The following CBLN2 variants were observed in gnomAD, a reference collection of about 807,000 sequenced individuals.
CBLN2 encodes the protein cerebellin-2.
In CBLN2, 7 loss-of-function variants were observed where a neutral mutation model predicts 15.0. The ratio of observed to expected loss-of-function variants is 0.47; its 90% confidence interval spans 0.27 to 0.88. CBLN2 has a LOEUF of 0.88. Among genes scored for constraint, CBLN2 ranks in the 40% least tolerant of loss-of-function variants. The pLI, the probability that CBLN2 is intolerant of heterozygous loss-of-function variation, is 0.14. For synonymous variants in CBLN2, 149 were observed against 135.2 expected (o/e 1.10, Z -0.71); for missense variants, 242 against 304.5 (o/e 0.79, Z 1.53).
intron 1 of CBLN2, among the ~76,000 whole-genome samples, chr18:72,582,630 G>C (rs542910961): frequency 1.5e-4 from 23 of 152,258 alleles, no homozygotes; most frequent in Middle Eastern, 3.4e-3. Flanking sequence ...GAGTAAAACA[G>C]GTGCTCACAC....
At chr18:72,585,441 T>C (rs776351242) in intron 1 of CBLN2, among the ~76,000 whole-genome samples, 2 of 152,092 alleles carry the variant, frequency 1.3e-5, no homozygotes, top group Non-Finnish European at 2.9e-5. Context: ...GGTCACACCA[T>C]TGTCTCTGCA....
chr18:72,564,324 T>G (rs1392595407), intron 1 of CBLN2, among the ~76,000 whole-genome samples: 1 of 152,062 alleles, frequency 6.6e-6, no homozygotes, highest in East Asian at 1.9e-4. Flanking sequence ...AACTTATTAT[T>G]TCAATGAAAA....
At chr18:72,586,143 C>A (rs374486236) in intron 1 of CBLN2, among the ~76,000 whole-genome samples, 1 of 152,180 alleles carries the variant, frequency 6.6e-6, no homozygotes, top group African/African-American at 2.4e-5. Flanking sequence ...CCTGGCTCCC[C>A]GCTTGCTCCC....
At chr18:72,598,625 C>T (rs571958648) in intron 1 of CBLN2, among the ~76,000 whole-genome samples, 1 of 152,338 alleles carries the variant, frequency 6.6e-6, no homozygotes, top group East Asian at 1.9e-4. Flanking sequence ...CACTAGGACT[C>T]ATCTAGGAGT....
chr18:72,538,826 G>A, intron 3 of CBLN2, 54 bp from the exon 4 acceptor site: 1 of 1,593,732 alleles, frequency 6.3e-7, no homozygotes, highest in Admixed American at 1.7e-5. Context: ...CTCGGTGTAT[G>A]TTTTCATCAT....
At chr18:72,589,894 A>G (rs898985002) in intron 1 of CBLN2, among the ~76,000 whole-genome samples, 2 of 152,202 alleles carry the variant, frequency 1.3e-5, no homozygotes, top group African/African-American at 4.8e-5. Flanking sequence ...GCACTTTGGG[A>G]GGCCGAGGTG....
chr18:72,553,051 G>A (rs2069201025), intron 1 of CBLN2, among the ~76,000 whole-genome samples: 1 of 152,166 alleles, frequency 6.6e-6, no homozygotes, highest in South Asian at 2.1e-4. Context: ...TCTCATATAT[G>A]TGCATATGTG....
intron 1 of CBLN2, among the ~76,000 whole-genome samples, chr18:72,631,929 G>T (rs557856763): frequency 2.4e-4 from 37 of 152,156 alleles, no homozygotes; most frequent in Non-Finnish European, 4.4e-4. Context: ...TCTGATCAAC[G>T]ATTTTGATGT....
At chr18:72,630,638 T>A (rs2069769991) in intron 1 of CBLN2, among the ~76,000 whole-genome samples, 1 of 149,702 alleles carries the variant, frequency 6.7e-6, no homozygotes, top group African/African-American at 2.5e-5. Context: ...TTTAACTGAC[T>A]TATACAAGGA....
At chr18:72,555,414 C>T (rs545174235) in intron 1 of CBLN2, among the ~76,000 whole-genome samples, 3 of 151,210 alleles carry the variant, frequency 2.0e-5, no homozygotes, top group Non-Finnish European at 4.4e-5. Context: ...AAGAAATTCA[C>T]GGTGAATATG....
rs1348444848 is a variant in CBLN2, at chr18:72,537,196, G to C, written c.*980C>G. The C allele has an allele frequency of 1.3e-5, 2 of 152,052 alleles. No homozygotes were observed. The highest frequency in any genetic ancestry group is 4.8e-5 in the African/African-American group (2 of 41,394). 9.4% of individuals were successfully genotyped at this position (152,052 alleles called of 1,614,324 possible). On this transcript the variant is annotated 3_prime_UTR_variant, in exon 5 of 5. Coordinates refer to ENST00000269503, the MANE Select transcript of CBLN2 (RefSeq NM_182511.4). The stretch of plus-strand genomic sequence containing the variant: ...TACAGCTTCCATTACCAACTTATAT[G>C]ATTCAGGACCACTCAGGAACACCAG...
chr18:72,609,013 T>G (rs1356376855), intron 1 of CBLN2, among the ~76,000 whole-genome samples: 2 of 152,158 alleles, frequency 1.3e-5, no homozygotes, highest in African/African-American at 4.8e-5. Context: ...TTATCTTCAC[T>G]TGGCCCCAGC....
intron 1 of CBLN2, among the ~76,000 whole-genome samples, chr18:72,572,829 CA>C: frequency 6.6e-6 from 1 of 150,648 alleles, no homozygotes; most frequent in Admixed American, 6.6e-5. Flanking sequence ...TTATAAGACA[CA>C]AAAAATGATT....
chr18:72,559,846 G>T (rs1363593011), intron 1 of CBLN2, among the ~76,000 whole-genome samples: 4 of 152,206 alleles, frequency 2.6e-5, no homozygotes, highest in Non-Finnish European at 5.9e-5. Flanking sequence ...GAAATCAAAT[G>T]AAGTGCAATG....
chr18:72,615,165 ATAAATATATATT>A (rs1016337447), intron 1 of CBLN2, among the ~76,000 whole-genome samples: 1 of 134,204 alleles, frequency 7.5e-6, no homozygotes, highest in Non-Finnish European at 1.6e-5. Context: ...GAAAATATAT[ATAAATATATATT>A]TATATATTAT....
intron 1 of CBLN2, among the ~76,000 whole-genome samples, chr18:72,556,728 A>G (rs2069229083): frequency 6.6e-6 from 1 of 152,196 alleles, no homozygotes; most frequent in African/African-American, 2.4e-5. Flanking sequence ...TCTTGAAAAA[A>G]ATAAGAAAAG....
intron 1 of CBLN2, among the ~76,000 whole-genome samples, chr18:72,614,259 C>T (rs1409783738): frequency 2.6e-5 from 4 of 152,106 alleles, no homozygotes; most frequent in African/African-American, 4.8e-5. Flanking sequence ...CATGAAAACA[C>T]ATTGATTTAA....
chr18:72,612,959 G>A (rs879313146), intron 1 of CBLN2, among the ~76,000 whole-genome samples: 5 of 152,190 alleles, frequency 3.3e-5, no homozygotes, highest in Non-Finnish European at 7.3e-5. Context: ...CTTCCCAAGG[G>A]CTGGGAGGGA....
At chr18:72,568,559 TAAA>T (rs1364877947) in intron 1 of CBLN2, among the ~76,000 whole-genome samples, 1 of 151,436 alleles carries the variant, frequency 6.6e-6, no homozygotes, top group Non-Finnish European at 1.5e-5. Context: ...TTACATAAAC[TAAA>T]AAAACTAAAA....
Sources: allele counts gnomAD v4.1 joint callset (sites outside exome capture counted in the v4.1 genomes callset), GRCh38; gene constraint gnomAD v4.1.1; transcripts MANE v1.5; gene names NCBI Gene and HGNC (gene_info 2026-07-23, HGNC 2026-07-21).